Variants in ARHGAP9 observed in about 807,000 individuals in gnomAD.
The protein encoded by ARHGAP9 is rho GTPase-activating protein 9.
ARHGAP9 carries 76 observed loss-of-function variants against 87.3 expected under a neutral mutation model. The ratio of observed to expected loss-of-function variants is 0.87; its 90% CI spans 0.72 to 1.05. The LOEUF is 1.05. ARHGAP9 is among the 50% of genes least tolerant of loss of function. ARHGAP9 has a pLI of 0.00. For missense variants in ARHGAP9, 941 were observed against 960.5 expected, an observed-to-expected ratio of 0.98 and a Z score of 0.27; for synonymous variants, 382 against 394.9, an observed-to-expected ratio of 0.97 and a Z score of 0.39.
At position 57,475,709 on chromosome 12, in the gene ARHGAP9, G is replaced by A. The variant is rs1873362629; in HGVS notation, c.1312-94C>T. 4 of 1,549,038 alleles carry A rather than the reference G, an allele frequency of 2.6e-6. No individual in the cohort carries two copies. The Admixed American group carries it at 5.7e-5, about 22-fold the overall frequency. On this transcript the variant is annotated intron_variant, in intron 10 of 17. Transcript: ENST00000393791. The stretch of plus-strand genomic sequence containing the variant: ...CCCACTGCCGGGGTCCCACATCCCG[G>A]CCCAGGCAAGGGCTCTCCACTGAGC...
At chr12:57,478,860 G>A (rs1225085632) in intron 2 of ARHGAP9, 103 bp from the exon 3 acceptor site, 32 of 1,207,478 alleles carry the variant, frequency 2.7e-5, no homozygotes, top group Non-Finnish European at 3.1e-5. Flanking sequence ...AAGGGCAGAG[G>A]GAGGATGTGG....
Position 57,477,170 on chromosome 12 carries a change from G to C in ARHGAP9, c.856C>G (p.Pro286Ala), listed in dbSNP as rs745350116. The C allele has an allele frequency of 1.9e-6, 3 of 1,613,324 alleles. No homozygotes were observed. Among genetic ancestry groups the C allele is most frequent in the Non-Finnish European group, 2.5e-6 (3 of 1,179,658 alleles). ...GFRSDTGTPE[P>A]LDPQGSLSLS... Reference sequence around the variant, plus strand: ...AGGGATCTCACCTGTGGGTCAAGCGGTTCTGGGGTCCCTGTGTCAGATCTG... The same window carrying C: ...AGGGATCTCACCTGTGGGTCAAGCGCTTCTGGGGTCCCTGTGTCAGATCTG... Residue 286 changes from proline (P) to alanine (A), a missense_variant, in exon 5 of 18, where the codon CCG becomes GCG. By Grantham distance (27) the Pro-to-Ala change is conservative. Coordinates refer to ENST00000393791, the MANE Select transcript of ARHGAP9 (RefSeq NM_032496.4).
chr12:57,486,885 C>T (rs1360465632), intron 1 of ARHGAP9, among the ~76,000 whole-genome samples: 1 of 33,400 alleles, frequency 3.0e-5, no homozygotes, highest in Admixed American at 4.9e-4. Context: ...GACTCCGTCT[C>T]AAAGAAAAAA....
At position 57,479,331 on chromosome 12, in the gene ARHGAP9, G is replaced by T; in HGVS notation, c.76C>A (p.Gln26Lys). The change falls in exon 2 of 18, where the codon CAG (glutamine) becomes AAG (lysine). Residue 26 changes from glutamine (Q) to lysine (K), a missense_variant. Coordinates refer to ENST00000393791, the MANE Select transcript of ARHGAP9 (RefSeq NM_032496.4). ...GTAAAGGCATAGAGGGCACAGAGCT[G>T]GGATCCCCGAGGAGGGCTTCGGGGG... ...LGPRSPPRGS[Q>K]LCALYAFTYT... The T allele has an allele frequency of 6.2e-7, 1 of 1,614,200 alleles. No homozygotes were observed. Among genetic ancestry groups the T allele is most frequent in the Non-Finnish European group, 8.5e-7 (1 of 1,180,038 alleles).
rs1470166189 is a variant in ARHGAP9 at position 57,479,744 on chromosome 12, C to T, written c.-33G>A. 17 of 1,550,618 alleles carry T rather than the reference C, an allele frequency of 1.1e-5. No homozygotes were observed. In the South Asian group the frequency reaches 1.8e-4, roughly 16 times the overall value. ...CCTCCAAGTACCTTGTGGGGCCCAT[C>T]AGAAGATTCAGGAGCAGGAGTTGGT... On this transcript the variant is annotated 5_prime_UTR_variant, in exon 1 of 18. Coordinates refer to ENST00000393791, the MANE Select transcript of ARHGAP9 (RefSeq NM_032496.4).
At chr12:57,476,761 G>A (rs1873848641) in intron 6 of ARHGAP9, 110 bp from the exon 7 acceptor site, 4 of 1,543,114 alleles carry the variant, frequency 2.6e-6, no homozygotes, top group African/African-American at 2.7e-5. Flanking sequence ...TGCTGGGGGA[G>A]GGCTGGGTAG....
chr12:57,473,232 G>C (rs1284217613), intron 17 of ARHGAP9, among the ~76,000 whole-genome samples: 3 of 152,040 alleles, frequency 2.0e-5, no homozygotes, highest in Non-Finnish European at 4.4e-5. Flanking sequence ...GGCCAACATG[G>C]TGAAACCCCG....
At chr12:57,483,150 G>T (rs117311367), upstream of ARHGAP9, among the ~76,000 whole-genome samples, 274 of 152,146 alleles carry the variant, frequency 1.8e-3, 11 homozygotes, top group East Asian at 0.046. Flanking sequence ...ATGAAAATAT[G>T]ATGTAATAAT....
chr12:57,473,639 T>C lies in ARHGAP9; in HGVS notation c.1988A>G (p.His663Arg), dbSNP rs577648313. 169 of 1,613,976 alleles carry C rather than the reference T, an allele frequency of 1.0e-4. No individual in the cohort carries two copies. The South Asian group carries it at 1.1e-3, about 10-fold the overall frequency. Residue 663 changes from histidine (H) to arginine (R), a missense_variant, in exon 17 of 18, where the codon CAT (histidine) becomes CGT (arginine). Coordinates refer to ENST00000393791, the MANE Select transcript of ARHGAP9 (RefSeq NM_032496.4). ...ELIGSMPKPN[H>R]DTLRYLLEHL... ...CTCCAGGAGGTACCGTAGAGTGTCA[T>C]GGTTGGGCTTTGGCATTGAGCCTAT... is the stretch of plus-strand genomic sequence containing the variant.
Position 57,488,085 on chromosome 12 carries a change from G to A in ARHGAP9, c.-204+527C>T. 2.5e-6 allele frequency: 4 copies of A among 1,613,400 alleles called. No homozygotes were observed. In the South Asian group the frequency reaches 3.3e-5, roughly 13 times the overall value. On this transcript the variant is annotated intron_variant, in intron 1 of 20. Transcript: ENST00000393797. ...CCGGTTGCATCAGCGAGGGATTCAC[G>A]GCGAAATGAGACTGTTCGTGAGTGA...
upstream of ARHGAP9, chr12:57,484,048 A>AG: frequency 3.8e-6 from 1 of 264,528 alleles, no homozygotes; most frequent in African/African-American, 2.4e-5. Context: ...CTCAAAAAAA[A>AG]AAAAAAAAAA....
At chr12:57,480,291 C>T (rs758798488), upstream of ARHGAP9, among the ~76,000 whole-genome samples, 1 of 152,070 alleles carries the variant, frequency 6.6e-6, no homozygotes, top group African/African-American at 2.4e-5. Flanking sequence ...AAGTGATTCT[C>T]CTGTCTCAGT....
At chr12:57,487,733 C>T (rs1875536522) in intron 1 of ARHGAP9, 1 of 235,524 alleles carries the variant, frequency 4.2e-6, no homozygotes, top group Non-Finnish European at 8.4e-6. Context: ...CCTGTAGTCC[C>T]AGCTGCATGG....
chr12:57,474,003 C>T (rs753131180), intron 16 of ARHGAP9, 39 bp downstream of exon 16: 1 of 1,596,232 alleles, frequency 6.3e-7, no homozygotes, highest in Admixed American at 1.8e-5. Flanking sequence ...CACCCGTGTC[C>T]CCCACATCAA....
chr12:57,487,694 C>A, intron 1 of ARHGAP9: 1 of 185,532 alleles, frequency 5.4e-6, no homozygotes, highest in Non-Finnish European at 1.1e-5. Flanking sequence ...ACTAAAAATA[C>A]AAAAATTAGC....
chr12:57,478,647 C>T lies in ARHGAP9; in HGVS notation c.427G>A (p.Val143Ile), dbSNP rs779311574. Residue 143 changes from valine to isoleucine, a missense_variant, in exon 3 of 18, where the codon GTC (valine) becomes ATC (isoleucine). Coordinates refer to ENST00000393791, the MANE Select transcript of ARHGAP9 (RefSeq NM_032496.4). The stretch of plus-strand genomic sequence containing the variant: ...CTGGGGCTCAGATTGTCAGTGCTGA[C>T]GCTCCTACACATTTTGCGGGGAAGT... ...PPLPRKMCRS[V>I]STDNLSPSLL... 8.7e-6 allele frequency: 14 copies of T among 1,614,002 alleles called. No individual in the cohort carries two copies. The highest frequency in any genetic ancestry group is 6.7e-5 in the East Asian group (3 of 44,868).
chr12:57,475,025 C>G (rs768292722), intron 12 of ARHGAP9, 52 bp from the exon 13 acceptor site: 1 of 1,562,842 alleles, frequency 6.4e-7, no homozygotes, highest in African/African-American at 1.4e-5. Context: ...CTCACAGGAG[C>G]TCTTCTCAGC....
In ARHGAP9 at chr12:57,472,381, C is replaced by T; in HGVS notation, c.*136G>A. On this transcript the variant is annotated 3_prime_UTR_variant, in exon 18 of 18. Coordinates refer to ENST00000393791, the MANE Select transcript of ARHGAP9 (RefSeq NM_032496.4). ...TCTTTAGAGAAGCTCCCTCACCCAT[C>T]CCAACACCTCAAGTCACACTCATGA... is the stretch of plus-strand genomic sequence containing the variant. 1 of 1,156,086 alleles carries T rather than the reference C, an allele frequency of 8.6e-7. No homozygotes were observed. Among genetic ancestry groups the T allele is most frequent in the East Asian group, 2.6e-5 (1 of 38,034 alleles). 71.6% of individuals were successfully genotyped at this position (1,156,086 alleles called of 1,614,324 possible).
Position 57,477,806 on chromosome 12 carries a change from A to G in ARHGAP9, c.535-126T>C, listed in dbSNP as rs538242591. 8.8e-5 allele frequency: 135 copies of G among 1,527,804 alleles called. No individual in the cohort carries two copies. The African/African-American group carries it at 1.4e-3, about 16-fold the overall frequency. 94.6% of individuals were successfully genotyped at this position (1,527,804 alleles called of 1,614,324 possible). ...TCACCGCCAGCTCTGGGCTGAGGTGACCCAGGGTACTGGGGGAGAAACCTC... is the reference window on the plus strand; with the variant it reads ...TCACCGCCAGCTCTGGGCTGAGGTGGCCCAGGGTACTGGGGGAGAAACCTC... On this transcript the variant is annotated intron_variant, in intron 3 of 17. Transcript: ENST00000393791.
Sources: allele counts gnomAD v4.1 joint callset (sites outside exome capture counted in the v4.1 genomes callset), GRCh38; gene constraint gnomAD v4.1.1; transcripts MANE v1.5; gene names NCBI Gene and HGNC (gene_info 2026-07-23, HGNC 2026-07-21).